KHDRBS1: variants seen among roughly 807,000 people sequenced by gnomAD.
The protein encoded by KHDRBS1 is KH domain-containing, RNA-binding, signal transduction-associated protein 1.
A neutral mutation model predicts 48.4 loss-of-function variants in KHDRBS1; 7 were observed. The ratio of observed to expected loss-of-function variants is 0.14; its 90% CI spans 0.08 to 0.27. KHDRBS1 has a LOEUF of 0.27. KHDRBS1 is among the 10% of genes least tolerant of loss of function. The pLI is 1.00. For missense variants in KHDRBS1, 458 were observed against 601.2 expected (o/e 0.76, Z 2.49); for synonymous variants, 241 against 235.8 (o/e 1.02, Z -0.20).
At chr1:32,045,172 C>T (rs1639343195), downstream of KHDRBS1, among the ~76,000 whole-genome samples, 5 of 152,212 alleles carry the variant, frequency 3.3e-5, no homozygotes, top group Admixed American at 3.3e-4. Flanking sequence ...TGTAGGTCCC[C>T]ATATTGATAT....
At position 32,013,947 on chromosome 1, in the gene KHDRBS1, C is replaced by T. The variant is rs779236077; in HGVS notation, c.-49C>T. ...CCCCGCCAACCGCCGCTCGGGCCTCCGTCGCTGCCGCGTCGCTTTCTCGCT... is the reference window on the plus strand; with the variant it reads ...CCCCGCCAACCGCCGCTCGGGCCTCTGTCGCTGCCGCGTCGCTTTCTCGCT... On this transcript the variant is annotated 5_prime_UTR_variant, in exon 1 of 9. Transcript: ENST00000327300. 10 of 1,387,294 alleles carry T rather than the reference C, an allele frequency of 7.2e-6. No homozygotes were observed. The East Asian group carries it at 1.2e-4, about 17-fold the overall frequency. 85.9% of individuals were successfully genotyped at this position (1,387,294 alleles called of 1,614,324 possible).
rs186465477 is a variant in KHDRBS1 at position 32,043,291 on chromosome 1, A to C, written c.*667A>C. 1,169 of 152,646 alleles carry C rather than the reference A, an allele frequency of 7.7e-3. 18 individuals are homozygous for C. The highest frequency in any genetic ancestry group is 8.5e-3 in the African/African-American group (353 of 41,562). The allele number at this position is 152,646 out of a possible 1,614,324, so 9.5% of individuals were successfully genotyped here. Reference sequence around the variant, plus strand: ...TTAACGTTAATTGATATAAAAAAAAAAACAACAAAATTAGGCTTGTAAAAC... The same window carrying C: ...TTAACGTTAATTGATATAAAAAAAACAACAACAAAATTAGGCTTGTAAAAC... On this transcript the variant is annotated 3_prime_UTR_variant, in exon 9 of 9. Coordinates refer to ENST00000327300, the MANE Select transcript of KHDRBS1 (RefSeq NM_006559.3).
At chr1:32,031,428 C>A in intron 2 of KHDRBS1, 96 bp from the exon 3 acceptor site, 1 of 726,640 alleles carries the variant, frequency 1.4e-6, no homozygotes, top group Non-Finnish European at 2.3e-6. Context: ...TAATACTCTA[C>A]CTTTGCAGGG....
intron 1 of KHDRBS1, among the ~76,000 whole-genome samples, chr1:32,029,738 A>G (rs983738237): frequency 6.6e-6 from 1 of 152,238 alleles, no homozygotes; most frequent in Non-Finnish European, 1.5e-5. Flanking sequence ...GTAACGATAT[A>G]TTAAGTACTT....
chr1:32,046,594 C>A (rs1179967654), downstream of KHDRBS1, among the ~76,000 whole-genome samples: 1 of 152,124 alleles, frequency 6.6e-6, no homozygotes, highest in Non-Finnish European at 1.5e-5. Flanking sequence ...GAGTTTGACT[C>A]CCTGGTTTGT....
intron 8 of KHDRBS1, among the ~76,000 whole-genome samples, chr1:32,041,715 G>C (rs529643145): frequency 4.0e-5 from 6 of 148,478 alleles, no homozygotes; most frequent in African/African-American, 1.5e-4. Flanking sequence ...TCAGCCTCCT[G>C]AGTAGCTGGG....
At position 32,039,545 on chromosome 1, in the gene KHDRBS1, G is replaced by A; in HGVS notation, c.1206G>A (p.Gly402=). ...GDSEYYDYGH[G]EVQDSYEAYG... ...CAGAATATTATGACTATGGACATGGGGAGGTTCAAGATTCTTATGAAGCTT... is the reference window on the plus strand; with the variant it reads ...CAGAATATTATGACTATGGACATGGAGAGGTTCAAGATTCTTATGAAGCTT... The change falls in exon 8 of 9, where the codon GGG becomes GGA. Residue 402 remains glycine (G), a synonymous_variant. Transcript: ENST00000327300. 6.5e-7 allele frequency: 1 copy of A among 1,535,572 alleles called. No homozygotes were observed. The highest frequency in any genetic ancestry group is 9.0e-7 in the Non-Finnish European group (1 of 1,108,408).
intron 1 of KHDRBS1, among the ~76,000 whole-genome samples, chr1:32,022,875 G>A (rs1214495464): frequency 6.6e-6 from 1 of 151,076 alleles, no homozygotes; most frequent in Non-Finnish European, 1.5e-5. Context: ...GGGTGACAGA[G>A]CAAGACCCTG....
chr1:32,032,176 T>G (rs192909445), intron 3 of KHDRBS1, among the ~76,000 whole-genome samples: 5 of 152,290 alleles, frequency 3.3e-5, no homozygotes, highest in Admixed American at 3.3e-4. Flanking sequence ...TTTTTCCCCA[T>G]GCCATAGCCG....
chr1:32,034,604 A>G (rs1031055354), intron 4 of KHDRBS1, among the ~76,000 whole-genome samples: 3 of 152,112 alleles, frequency 2.0e-5, no homozygotes, highest in African/African-American at 4.8e-5. Context: ...GTGTACCCAT[A>G]ATGCTGAACT....
At position 32,017,600 on chromosome 1, in the gene KHDRBS1, CTTTTTTTTT is replaced by C. The variant is rs34505125; in HGVS notation, c.382+3239_382+3247del. Among the ~76,000 whole-genome samples the C allele has an allele frequency of 8.1e-5, 6 of 73,812 alleles. No homozygotes were observed. In the South Asian group the frequency reaches 2.3e-3, roughly 28 times the overall value. 48.4% of individuals were successfully genotyped at this position (73,812 alleles called of 152,430 possible). On this transcript the variant is annotated intron_variant, in intron 1 of 8. Coordinates refer to ENST00000327300, the MANE Select transcript of KHDRBS1 (RefSeq NM_006559.3). Reference sequence around the variant, plus strand: ...TATAGATACCAGTGTTCTTTTTCTACTTTTTTTTTTTTTTTTTTTTTTTTGAGACGGAGT... The same window carrying C: ...TATAGATACCAGTGTTCTTTTTCTACTTTTTTTTTTTTTTTGAGACGGAGT...
intron 1 of KHDRBS1, among the ~76,000 whole-genome samples, chr1:32,019,832 C>T (rs1363253632): frequency 6.6e-6 from 1 of 152,074 alleles, no homozygotes; most frequent in Non-Finnish European, 1.5e-5. Flanking sequence ...AGTGCAGTGG[C>T]GCGATCTTGG....
rs1639213606 is a variant in KHDRBS1, at chr1:32,037,892, A to G, written c.963A>G (p.Gly321=). 1 of 1,614,080 alleles carries G rather than the reference A, an allele frequency of 6.2e-7. No homozygotes were observed. Among genetic ancestry groups the G allele is most frequent in the Admixed American group, 1.7e-5 (1 of 59,994 alleles). The change falls in exon 6 of 9, where the codon GGA becomes GGG. Residue 321 remains glycine, a synonymous_variant. Coordinates refer to ENST00000327300, the MANE Select transcript of KHDRBS1 (RefSeq NM_006559.3). ...GALVRGTPVR[G]AITRGATVTR... ...TGGTACGTGGTACACCAGTAAGGGG[A>G]GCCATCACCAGAGGTGCCACTGTGA...
At chr1:32,058,059 A>G (rs908258020) in intron 10 of KHDRBS1, among the ~76,000 whole-genome samples, 2 of 151,322 alleles carry the variant, frequency 1.3e-5, no homozygotes, top group African/African-American at 4.9e-5. Flanking sequence ...CGGAGGTAGG[A>G]GTGAGCCGAG....
At chr1:32,018,713 C>T (rs1221964361) in intron 1 of KHDRBS1, among the ~76,000 whole-genome samples, 21 of 150,794 alleles carry the variant, frequency 1.4e-4, no homozygotes, top group South Asian at 8.4e-4. Flanking sequence ...GCCGAGATCG[C>T]GCCACTGCAC....
chr1:32,037,386 G>A (rs189149531), intron 5 of KHDRBS1, among the ~76,000 whole-genome samples: 3 of 151,798 alleles, frequency 2.0e-5, no homozygotes, highest in Non-Finnish European at 4.4e-5. Flanking sequence ...GGAAGTTGCA[G>A]TGAGCCGAGA....
At chr1:32,033,015 GTTTTTCTTTTTTCT>G (rs199661950) in intron 3 of KHDRBS1, among the ~76,000 whole-genome samples, 159 bp from the exon 4 acceptor site, 1 of 152,050 alleles carries the variant, frequency 6.6e-6, no homozygotes, top group Non-Finnish European at 1.5e-5. Flanking sequence ...AAACTTTACT[GTTTTTCTTTTTTCT>G]TTTTTCTTTT....
intron 1 of KHDRBS1, among the ~76,000 whole-genome samples, chr1:32,027,715 A>G (rs1342514013): frequency 6.6e-6 from 1 of 152,222 alleles, no homozygotes; most frequent in Non-Finnish European, 1.5e-5. Flanking sequence ...TTTTTAACAA[A>G]CAAGCATTCA....
intron 3 of KHDRBS1, 132 bp from the exon 4 acceptor site, chr1:32,033,056 C>T (rs2124379121): frequency 3.2e-6 from 2 of 625,834 alleles, no homozygotes; most frequent in East Asian, 5.4e-5. Flanking sequence ...TAATTCTTCT[C>T]AGCTCATACC....
Sources: allele counts gnomAD v4.1 joint callset (sites outside exome capture counted in the v4.1 genomes callset), GRCh38; gene constraint gnomAD v4.1.1; transcripts MANE v1.5; gene names NCBI Gene and HGNC (gene_info 2026-07-23, HGNC 2026-07-21).